Variants in SPOCD1 observed in about 807,000 individuals in gnomAD.
SPOCD1 encodes SPOC domain-containing protein 1.
Under a neutral mutation model 92.2 loss-of-function variants are expected in SPOCD1, and 64 were observed. The observed-to-expected ratio is 0.69, with a 90% confidence interval of 0.57 to 0.86. The LOEUF (loss-of-function observed/expected upper bound fraction) is 0.86, where lower values mean the gene tolerates loss of function less well. Ranked by LOEUF, SPOCD1 falls within the 40% of genes least tolerant of loss-of-function variation. SPOCD1 has a pLI of 0.00. For missense variants in SPOCD1, 1,360 were observed against 1,543.1 expected, an observed-to-expected ratio of 0.88 and a Z score of 1.99; for synonymous variants, 578 against 619.3, an observed-to-expected ratio of 0.93 and a Z score of 0.99.
intron 2 of SPOCD1, among the ~76,000 whole-genome samples, chr1:31,813,526 G>A (rs1282585110): frequency 6.6e-6 from 1 of 152,226 alleles, no homozygotes; most frequent in Non-Finnish European, 1.5e-5. Context: ...GCCTCCCAAA[G>A]TGCTGGGATT....
intron 2 of SPOCD1, among the ~76,000 whole-genome samples, chr1:31,812,114 G>T (rs1247295029): frequency 6.6e-6 from 1 of 152,180 alleles, no homozygotes; most frequent in Non-Finnish European, 1.5e-5. Context: ...TGTGTTAAAT[G>T]CCAAACATGT....
At chr1:31,811,105 G>C (rs750753823) in intron 2 of SPOCD1, among the ~76,000 whole-genome samples, 23 of 152,170 alleles carry the variant, frequency 1.5e-4, no homozygotes, top group Admixed American at 7.2e-4. Context: ...GGCAGTTCTG[G>C]GGCCCACTTC....
chr1:31,790,861 A>G lies in SPOCD1; in HGVS notation c.3393T>C (p.His1131=). 1 of 1,566,410 alleles carries G rather than the reference A, an allele frequency of 6.4e-7. No homozygotes were observed. The highest frequency in any genetic ancestry group is 8.6e-7 in the Non-Finnish European group (1 of 1,156,258). The stretch of plus-strand genomic sequence containing the variant: ...GGAAGTGCTGGCCACGGCCAAAGCC[A>G]TGACCAGCTGGTGCTACTGAATAGG... ...QHPYSVAPAG[H]GFGRGQHFHR... Residue 1131 remains histidine, a synonymous_variant, in exon 16 of 16, where the codon CAT becomes CAC. Coordinates refer to ENST00000360482, the MANE Select transcript of SPOCD1 (RefSeq NM_144569.7).
Position 31,814,348 on chromosome 1 carries a change from C to A in SPOCD1, c.986G>T (p.Cys329Phe). ...AQAPPQSAAL[C>F]LGASAQASAE... ...AGAGGCCTGTGCTGACGCCCCCAGGCACAGTGCTGCGCTCTGTGGAGGAGC... is the reference window on the plus strand; with the variant it reads ...AGAGGCCTGTGCTGACGCCCCCAGGAACAGTGCTGCGCTCTGTGGAGGAGC... The change falls in exon 2 of 16, where the codon TGC becomes TTC. Residue 329 changes from cysteine (C) to phenylalanine (F), a missense_variant. This residue lies in a region of SPOCD1 where 606 missense variants were observed against 601.5 expected (regional missense o/e 1.01). Coordinates refer to ENST00000360482, the MANE Select transcript of SPOCD1 (RefSeq NM_144569.7). The surrounding 1 kb of genome is among the most constrained non-coding windows in gnomAD (Gnocchi z 4.2). 6.3e-7 allele frequency: 1 copy of A among 1,585,722 alleles called. No homozygotes were observed. The highest frequency in any genetic ancestry group is 8.6e-7 in the Non-Finnish European group (1 of 1,162,838).
chr1:31,800,400 G>A lies in SPOCD1; in HGVS notation c.1602+41C>T, dbSNP rs148284362. The A allele has an allele frequency of 8.6e-5, 129 of 1,507,782 alleles. 1 individual carries two copies. The African/African-American group carries it at 1.4e-3, about 17-fold the overall frequency. The allele number at this position is 1,507,782 out of a possible 1,614,324, so 93.4% of individuals were successfully genotyped here. ...ATCTCTGTGAATCAGGTGTGAAGGT[G>A]CCTCTCTCAGCAGGATTAAATGACA... On this transcript the variant is annotated intron_variant, in intron 4 of 15. Transcript: ENST00000360482.
Position 31,790,702 on chromosome 1 carries a change from G to T in SPOCD1, c.3552C>A (p.Ser1184Arg). 6.4e-7 allele frequency: 1 copy of T among 1,551,886 alleles called. No individual in the cohort carries two copies. The highest frequency in any genetic ancestry group is 8.7e-7 in the Non-Finnish European group (1 of 1,147,064). ...CAGGGGGCTCTGGAGCTGCAAGGGC[G>T]CTAGACAAACGCTGCAGAGGGCGGG... ...SIPRPLQRLS[S>R]ALAAPEPPGP... The change falls in exon 16 of 16, where the codon AGC becomes AGA. Residue 1184 changes from serine to arginine, a missense_variant. Physicochemically the swap from Ser to Arg is moderately radical, Grantham distance 110 (BLOSUM62 -1). Coordinates refer to ENST00000360482, the MANE Select transcript of SPOCD1 (RefSeq NM_144569.7).
intron 12 of SPOCD1, 22 bp downstream of exon 12, chr1:31,793,725 C>T: frequency 1.2e-6 from 2 of 1,613,754 alleles, no homozygotes; most frequent in Non-Finnish European, 1.7e-6. Context: ...GGTTATCCAC[C>T]TCCCTGCTCC....
intron 10 of SPOCD1, chr1:31,796,165 G>A (rs1316425322): frequency 1.4e-5 from 4 of 283,626 alleles, no homozygotes; most frequent in Non-Finnish European, 1.4e-5. Flanking sequence ...CCAGGGTGCC[G>A]GGTGGTTCCC....
rs529578656 is a variant in SPOCD1, at chr1:31,798,261, C to T, written c.2091G>A (p.Ser697=). 12 of 1,612,956 alleles carry T rather than the reference C, an allele frequency of 7.4e-6. No homozygotes were observed. The highest frequency in any genetic ancestry group is 4.5e-5 in the East Asian group (2 of 44,882). The change falls in exon 9 of 16, where the codon TCG becomes TCA. Residue 697 remains serine, a synonymous_variant. Coordinates refer to ENST00000360482, the MANE Select transcript of SPOCD1 (RefSeq NM_144569.7). This position sits in a 1 kb window ranked among gnomAD's most constrained non-coding sequence, Gnocchi z 4.1. Reference sequence around the variant, plus strand: ...CCAGCTCCTGGGGGGCCAGCTGCATCGAGCTCATCCGCACCAGGTCGTAGG... The same window carrying T: ...CCAGCTCCTGGGGGGCCAGCTGCATTGAGCTCATCCGCACCAGGTCGTAGG... The part of the protein sequence containing the change: ...VTPYDLVRMS[S]MQLAPQELAR...
Position 31,796,477 on chromosome 1 carries a change from G to A in SPOCD1, c.2271+113C>T, listed in dbSNP as rs1311469879. Reference sequence around the variant, plus strand: ...GCTGTCCCCGTTTTATCACAAACAAGGTGGGCCTCAGAGCAGTCAGGTGAC... The same window carrying A: ...GCTGTCCCCGTTTTATCACAAACAAAGTGGGCCTCAGAGCAGTCAGGTGAC... On this transcript the variant is annotated intron_variant, in intron 10 of 15. Transcript: ENST00000360482. The A allele has an allele frequency of 3.3e-6, 5 of 1,523,580 alleles. No homozygotes were observed. The African/African-American group carries it at 5.5e-5, about 17-fold the overall frequency. The allele number at this position is 1,523,580 out of a possible 1,614,324, so 94.4% of individuals were successfully genotyped here. A position where few individuals can be genotyped will look rare whatever the true frequency, so the allele number is the denominator to read the frequency against.
intron 6 of SPOCD1, 139 bp downstream of exon 6, chr1:31,799,670 T>A: frequency 3.1e-6 from 3 of 974,986 alleles, no homozygotes; most frequent in Admixed American, 2.2e-5. Context: ...CCCCCACCCC[T>A]TTGGGGAGGA....
intron 4 of SPOCD1, 107 bp from the exon 5 acceptor site, chr1:31,800,248 A>C (rs1175031342): frequency 1.0e-5 from 15 of 1,505,726 alleles, no homozygotes; most frequent in South Asian, 2.6e-5. Context: ...GTCCACCCTG[A>C]ATTCAGAGCT....
intron 2 of SPOCD1, among the ~76,000 whole-genome samples, chr1:31,802,338 G>A (rs1046515565): frequency 4.6e-5 from 7 of 152,316 alleles, no homozygotes; most frequent in Non-Finnish European, 8.8e-5. Context: ...TAAGGTCTCA[G>A]AATGACACCA....
intron 2 of SPOCD1, among the ~76,000 whole-genome samples, chr1:31,808,079 T>G (rs1373937693): frequency 2.0e-5 from 3 of 151,932 alleles, no homozygotes; most frequent in Non-Finnish European, 4.4e-5. Flanking sequence ...AACAAATAAT[T>G]CCAATCTTAA....
chr1:31,806,405 C>A (rs1648819772), intron 2 of SPOCD1, among the ~76,000 whole-genome samples: 1 of 152,142 alleles, frequency 6.6e-6, no homozygotes, highest in South Asian at 2.1e-4. Context: ...TTTTTTAGAT[C>A]AGCACTGCCC....
chr1:31,814,210 C>T lies in SPOCD1; in HGVS notation c.1124G>A (p.Arg375Lys), dbSNP rs1649389966. 6.3e-7 allele frequency: 1 copy of T among 1,578,246 alleles called. No homozygotes were observed. Among genetic ancestry groups the T allele is most frequent in the African/African-American group, 1.3e-5 (1 of 74,342 alleles). ...EAKAQPASRG[R>K]LEQGLAAPAD... ...GGGGGCAGCGAGTCCTTGCTCCAGCCTTCCCCTGGAAGCTGGCTGAGCCTT... is the reference window on the plus strand; with the variant it reads ...GGGGGCAGCGAGTCCTTGCTCCAGCTTTCCCCTGGAAGCTGGCTGAGCCTT... The change falls in exon 2 of 16, where the codon AGG (arginine) becomes AAG (lysine). Residue 375 changes from arginine to lysine, a missense_variant. Around this residue, in one of 3 missense-constraint regions of SPOCD1, gnomAD observed 606 missense variants for 601.5 expected, o/e 1.01. Transcript: ENST00000360482. This position sits in a 1 kb window ranked among gnomAD's most constrained non-coding sequence, Gnocchi z 4.2.
chr1:31,811,613 C>A (rs1649202098), intron 2 of SPOCD1, among the ~76,000 whole-genome samples: 1 of 152,194 alleles, frequency 6.6e-6, no homozygotes, highest in African/African-American at 2.4e-5. Context: ...CTGCCCCTGC[C>A]ACAAGCCAGG....
chr1:31,810,316 A>G (rs1259924162), intron 2 of SPOCD1, among the ~76,000 whole-genome samples: 1 of 150,452 alleles, frequency 6.6e-6, no homozygotes, highest in Admixed American at 6.6e-5. Flanking sequence ...TCGGAAGCCC[A>G]GTTTTCTTAC....
At chr1:31,807,248 A>G in intron 2 of SPOCD1, among the ~76,000 whole-genome samples, 1 of 144,718 alleles carries the variant, frequency 6.9e-6, no homozygotes, top group Non-Finnish European at 1.5e-5. Flanking sequence ...AATTAGCCAG[A>G]CGTGGTGGCA....
Sources: allele counts gnomAD v4.1 joint callset (sites outside exome capture counted in the v4.1 genomes callset), GRCh38; gene constraint gnomAD v4.1.1; regional missense constraint gnomAD v4.1.1; non-coding constraint Gnocchi (gnomAD v3.1); transcripts MANE v1.5; gene names NCBI Gene and HGNC (gene_info 2026-07-23, HGNC 2026-07-21).